SMOC1: variants seen among roughly 807,000 people sequenced by gnomAD.
SMOC1 encodes the protein SPARC-related modular calcium-binding protein 1.
A neutral mutation model predicts 56.3 loss-of-function variants in SMOC1; 22 were observed. The ratio of observed to expected loss-of-function variants is 0.39; its 90% CI spans 0.28 to 0.56. The LOEUF is 0.56. Among genes scored for constraint, SMOC1 ranks in the 20% least tolerant of loss-of-function variants. The pLI is 0.61. For missense variants in SMOC1, 509 were observed against 565.4 expected (o/e 0.90, Z 1.01); for synonymous variants, 193 against 215.0 (o/e 0.90, Z 0.89).
chr14:69,975,656 G>A (rs899126532), intron 3 of SMOC1, 59 bp from the exon 4 acceptor site: 1 of 1,217,796 alleles, frequency 8.2e-7, no homozygotes, highest in Non-Finnish European at 1.2e-6. Flanking sequence ...GGTTGGAGAT[G>A]AGTCTTGATA....
At chr14:69,973,993 T>A (rs960799772) in intron 3 of SMOC1, among the ~76,000 whole-genome samples, 11 of 152,256 alleles carry the variant, frequency 7.2e-5, no homozygotes, top group African/African-American at 2.7e-4. Flanking sequence ...AATTGAGATC[T>A]ACATTTAATG....
chr14:69,979,151 C>T (rs1281370548), intron 5 of SMOC1, among the ~76,000 whole-genome samples: 1 of 152,110 alleles, frequency 6.6e-6, no homozygotes, highest in African/African-American at 2.4e-5. Flanking sequence ...TTGTCCTGCA[C>T]ACACAGTTGC....
chr14:69,915,166 C>T (rs1263859684), intron 1 of SMOC1, among the ~76,000 whole-genome samples: 2 of 152,230 alleles, frequency 1.3e-5, no homozygotes, highest in African/African-American at 4.8e-5. Flanking sequence ...CCGCGCCCGG[C>T]CAGTTTACAC....
rs1286522546 is a variant in SMOC1 at position 69,921,579 on chromosome 14, C to T, written c.100-30559C>T. On this transcript the variant is annotated intron_variant, in intron 1 of 11. Transcript: ENST00000361956. The stretch of plus-strand genomic sequence containing the variant: ...CCTCACAGGTGAGTAGACTAGTCTG[C>T]AAGAGGCGTGAAAGAAATGCCTGGT... 3.3e-5 allele frequency among the ~76,000 whole-genome samples: 5 copies of T among 152,082 alleles called. No individual in the cohort carries two copies. In the East Asian group the frequency reaches 7.7e-4, roughly 23 times the overall value.
intron 11 of SMOC1, 65 bp downstream of exon 11, chr14:70,023,512 G>A: frequency 6.2e-7 from 1 of 1,606,054 alleles, no homozygotes; most frequent in Middle Eastern, 1.7e-4. Flanking sequence ...TGGGACCAAG[G>A]GCTCTCTGAT....
At chr14:69,982,944 G>T (rs1229928984) in intron 5 of SMOC1, among the ~76,000 whole-genome samples, 1 of 152,220 alleles carries the variant, frequency 6.6e-6, no homozygotes, top group Non-Finnish European at 1.5e-5. Context: ...CAGCTCGTTT[G>T]CTTTCTGGTT....
At chr14:69,894,662 G>A (rs574234267) in intron 1 of SMOC1, among the ~76,000 whole-genome samples, 47 of 152,302 alleles carry the variant, frequency 3.1e-4, no homozygotes, top group Admixed American at 1.2e-3. Flanking sequence ...TGTGTGGTGA[G>A]AAGGGTGATG....
chr14:69,992,070 G>C (rs1285132426), intron 5 of SMOC1, among the ~76,000 whole-genome samples: 1 of 152,124 alleles, frequency 6.6e-6, no homozygotes, highest in Non-Finnish European at 1.5e-5. Flanking sequence ...CAGGGCTGAG[G>C]GGGAGATACT....
chr14:69,918,013 A>G (rs1372724947), intron 1 of SMOC1, among the ~76,000 whole-genome samples: 1 of 152,182 alleles, frequency 6.6e-6, no homozygotes, highest in Non-Finnish European at 1.5e-5. Flanking sequence ...ATTAAGGTCT[A>G]ATTAACAAAA....
intron 5 of SMOC1, among the ~76,000 whole-genome samples, chr14:69,986,370 G>T (rs1181733252): frequency 6.6e-6 from 1 of 152,156 alleles, no homozygotes; most frequent in African/African-American, 2.4e-5. Flanking sequence ...GGATAAAATT[G>T]CAGAGAACGA....
intron 1 of SMOC1, among the ~76,000 whole-genome samples, chr14:69,921,215 C>T (rs764374229): frequency 3.3e-5 from 5 of 152,198 alleles, no homozygotes; most frequent in Non-Finnish European, 5.9e-5. Flanking sequence ...CTAGACTCCA[C>T]AGCCCCCAGC....
At chr14:69,897,958 A>G (rs575343768) in intron 1 of SMOC1, among the ~76,000 whole-genome samples, 14 of 152,112 alleles carry the variant, frequency 9.2e-5, no homozygotes, top group African/African-American at 3.4e-4. Flanking sequence ...AACATTTCTT[A>G]CAAGGCAGGT....
At chr14:70,022,744 C>CA in intron 10 of SMOC1, among the ~76,000 whole-genome samples, 1 of 152,344 alleles carries the variant, frequency 6.6e-6, no homozygotes, top group Middle Eastern at 3.4e-3. Context: ...CCCAGACTGG[C>CA]ACTGGGCGTA....
chr14:69,978,801 GC>G (rs1884070195), intron 5 of SMOC1, among the ~76,000 whole-genome samples: 1 of 152,034 alleles, frequency 6.6e-6, no homozygotes, highest in African/African-American at 2.4e-5. Flanking sequence ...TTTACACTGG[GC>G]CCCACAAGTG....
intron 1 of SMOC1, among the ~76,000 whole-genome samples, chr14:69,939,031 C>T (rs1478876316): frequency 6.6e-6 from 1 of 152,176 alleles, no homozygotes; most frequent in African/African-American, 2.4e-5. Flanking sequence ...AGCTGATCAG[C>T]CCTTTTATTT....
intron 10 of SMOC1, among the ~76,000 whole-genome samples, chr14:70,019,584 G>T (rs990929356): frequency 1.3e-5 from 2 of 152,190 alleles, no homozygotes; most frequent in Non-Finnish European, 2.9e-5. Flanking sequence ...TGTGAGACAG[G>T]TTGGGAGCCT....
At chr14:69,902,188 G>T (rs1241671199) in intron 1 of SMOC1, among the ~76,000 whole-genome samples, 2 of 152,218 alleles carry the variant, frequency 1.3e-5, no homozygotes, top group African/African-American at 4.8e-5. Context: ...TAGGCCTGTA[G>T]TCATTGGTAG....
At position 69,928,815 on chromosome 14, in the gene SMOC1, C is replaced by T. The variant is rs142292323; in HGVS notation, c.100-23323C>T. ...TCAAAGCCTGAATAGTTAAAGCATG[C>T]GTATATTAAATATAATGCTTCCTCT... On this transcript the variant is annotated intron_variant, in intron 1 of 11. Coordinates refer to ENST00000361956, the MANE Select transcript of SMOC1 (RefSeq NM_001034852.3). Among the ~76,000 whole-genome samples the T allele has an allele frequency of 3.4e-3, 525 of 152,194 alleles. 6 individuals are homozygous for T. The highest frequency in any genetic ancestry group is 6.4e-3 in the Non-Finnish European group (437 of 68,018).
At chr14:69,921,033 A>G (rs1884825885) in intron 1 of SMOC1, among the ~76,000 whole-genome samples, 1 of 152,238 alleles carries the variant, frequency 6.6e-6, no homozygotes, top group African/African-American at 2.4e-5. Context: ...GTGAGGACCC[A>G]TAGTTGGTCG....
Sources: allele counts gnomAD v4.1 joint callset (sites outside exome capture counted in the v4.1 genomes callset), GRCh38; gene constraint gnomAD v4.1.1; transcripts MANE v1.5; gene names NCBI Gene and HGNC (gene_info 2026-07-23, HGNC 2026-07-21).